Variants in TSPEAR observed in about 807,000 individuals in gnomAD.
TSPEAR encodes the protein thrombospondin-type laminin G domain and EAR repeat-containing protein.
In TSPEAR, 69 loss-of-function variants were observed where a neutral mutation model predicts 71.6. The observed-to-expected ratio is 0.96, with a 90% confidence interval of 0.79 to 1.18. The LOEUF is 1.18. TSPEAR is among the 50% of genes most tolerant of loss of function. The pLI is 0.00. For missense variants in TSPEAR, 971 were observed against 894.9 expected (o/e 1.09, Z -1.09); for synonymous variants, 402 against 387.2 (o/e 1.04, Z -0.45).
chr21:44,502,765 C>T (rs587640978), intron 11 of TSPEAR, among the ~76,000 whole-genome samples: 103 of 152,320 alleles, frequency 6.8e-4, no homozygotes, highest in African/African-American at 2.3e-3. Context: ...ACTTGGGACT[C>T]GCTGTGAGCC....
chr21:44,669,053 T>G (rs964732056), intron 1 of TSPEAR, among the ~76,000 whole-genome samples: 2 of 152,084 alleles, frequency 1.3e-5, no homozygotes, highest in Admixed American at 6.6e-5. Flanking sequence ...TCAATAGAAA[T>G]TATCCAAAAT....
chr21:44,617,229 G>T (rs1555932660), intron 1 of TSPEAR, among the ~76,000 whole-genome samples: 1 of 152,250 alleles, frequency 6.6e-6, no homozygotes, highest in South Asian at 2.1e-4. Flanking sequence ...TGGGACATGG[G>T]GGGACACTTG....
At chr21:44,613,582 C>T (rs1305683006) in intron 1 of TSPEAR, among the ~76,000 whole-genome samples, 5 of 152,172 alleles carry the variant, frequency 3.3e-5, no homozygotes, top group Non-Finnish European at 7.4e-5. Context: ...CCCTGTGTGC[C>T]GCCCGCCCGA....
intron 2 of TSPEAR, among the ~76,000 whole-genome samples, chr21:44,563,086 T>A (rs1435748166): frequency 1.3e-5 from 2 of 152,020 alleles, no homozygotes; most frequent in Non-Finnish European, 2.9e-5. Context: ...GCAATAATAA[T>A]ACAAAGGAGG....
intron 1 of TSPEAR, among the ~76,000 whole-genome samples, chr21:44,628,692 C>T (rs587737574): frequency 1.4e-5 from 2 of 143,080 alleles, no homozygotes; most frequent in East Asian, 2.1e-4. Context: ...GGGGCTGTCC[C>T]GGGGGGTGGC....
intron 11 of TSPEAR, among the ~76,000 whole-genome samples, chr21:44,502,769 G>A (rs587720551): frequency 2.0e-5 from 3 of 152,254 alleles, no homozygotes; most frequent in Non-Finnish European, 4.4e-5. Context: ...GGGACTCGCT[G>A]TGAGCCGGTG....
intron 1 of TSPEAR, among the ~76,000 whole-genome samples, chr21:44,641,839 G>A (rs1984037823): frequency 6.6e-6 from 1 of 152,184 alleles, no homozygotes. Context: ...TGCTGTGGCA[G>A]GCTTCAGCGG....
intron 8 of TSPEAR, among the ~76,000 whole-genome samples, chr21:44,524,744 ATCAG>A (rs1246241364): frequency 4.2e-4 from 64 of 150,646 alleles, no homozygotes; most frequent in African/African-American, 1.5e-3. Flanking sequence ...CAGTCAGTCA[ATCAG>A]TCAGTAAGGT....
At chr21:44,569,939 C>G (rs1397289430) in intron 1 of TSPEAR, among the ~76,000 whole-genome samples, 1 of 152,110 alleles carries the variant, frequency 6.6e-6, no homozygotes, top group Non-Finnish European at 1.5e-5. Flanking sequence ...ACTCCACATA[C>G]TGTGGCGTTG....
At position 44,636,258 on chromosome 21, in the gene TSPEAR, T is replaced by C. The variant is rs587662466; in HGVS notation, c.83-68253A>G. ...CCGGGTTTCCAGGGGACATACGTTG[T>C]ATGTGTTCTGGTCAAGGTTTATGCT... On this transcript the variant is annotated intron_variant, in intron 1 of 11. Transcript: ENST00000323084. Among the ~76,000 whole-genome samples, 21 of 152,376 alleles carry C rather than the reference T, an allele frequency of 1.4e-4. No individual in the cohort carries two copies. In the East Asian group the frequency reaches 4.0e-3, roughly 29 times the overall value.
intron 2 of TSPEAR, among the ~76,000 whole-genome samples, chr21:44,560,123 T>C (rs587598432): frequency 6.6e-6 from 1 of 152,014 alleles, no homozygotes; most frequent in East Asian, 1.9e-4. Context: ...AGGCTCAAAA[T>C]AAAGGAATGG....
At chr21:44,649,112 C>T (rs910031039) in intron 1 of TSPEAR, among the ~76,000 whole-genome samples, 9 of 152,346 alleles carry the variant, frequency 5.9e-5, no homozygotes, top group Non-Finnish European at 1.2e-4. Context: ...CTCCCTCCAC[C>T]GCCTGCTGGA....
Position 44,579,720 on chromosome 21 carries a change from G to A in TSPEAR, c.83-11715C>T, listed in dbSNP as rs1429032335. 3.8e-6 allele frequency: 6 copies of A among 1,585,164 alleles called. No individual in the cohort carries two copies. In the South Asian group the frequency reaches 4.7e-5, roughly 12 times the overall value. ...GAGTCAGGACCAGTTGGCCCTGGGG[G>A]ATGTGCACATCAGCAACTGGACTCC... On this transcript the variant is annotated intron_variant, in intron 1 of 11. Transcript: ENST00000323084.
chr21:44,701,151 C>G (rs1030291278), intron 1 of TSPEAR, among the ~76,000 whole-genome samples: 5 of 152,210 alleles, frequency 3.3e-5, no homozygotes, highest in Non-Finnish European at 7.3e-5. Context: ...CATTATTGTA[C>G]ATATCCATGG....
chr21:44,589,776 C>T (rs1979634353), intron 1 of TSPEAR, among the ~76,000 whole-genome samples: 2 of 152,204 alleles, frequency 1.3e-5, no homozygotes, highest in South Asian at 4.1e-4. Flanking sequence ...GCCCCGGCCC[C>T]TCCACCTGGC....
intron 1 of TSPEAR, among the ~76,000 whole-genome samples, chr21:44,650,451 G>GCAGAGACTGGGGCCACGTGACGACGA (rs1984716925): frequency 6.6e-6 from 1 of 152,262 alleles, no homozygotes; most frequent in African/African-American, 2.4e-5. Flanking sequence ...CGTGACGACG[G>GCAGAGACTGGGGCCACGTGACGACGA]GGGCAGAGAT....
At chr21:44,516,971 G>A (rs946768388) in intron 9 of TSPEAR, among the ~76,000 whole-genome samples, 1 of 152,098 alleles carries the variant, frequency 6.6e-6, no homozygotes, top group African/African-American at 2.4e-5. Context: ...CCTGCACCCT[G>A]GGGCTTTCGG....
In TSPEAR at chr21:44,580,445, C is replaced by T. The variant is rs587771602; in HGVS notation, c.83-12440G>A. 3 of 1,613,194 alleles carry T rather than the reference C, an allele frequency of 1.9e-6. No homozygotes were observed. The South Asian group carries it at 3.3e-5, about 18-fold the overall frequency. On this transcript the variant is annotated intron_variant, in intron 1 of 11. Transcript: ENST00000323084. ...CTGGCAGCAGGGGCTGGACACACAG[C>T]TCACTGGGGTGCAGACCAGGGTCAG... is the stretch of plus-strand genomic sequence containing the variant.
At chr21:44,509,694 G>C (rs1232400765) in intron 9 of TSPEAR, 2 of 357,764 alleles carry the variant, frequency 5.6e-6, no homozygotes, top group Non-Finnish European at 1.0e-5. Context: ...GGTGCCAGAC[G>C]TGGCACTCCT....
Sources: allele counts gnomAD v4.1 joint callset (sites outside exome capture counted in the v4.1 genomes callset), GRCh38; gene constraint gnomAD v4.1.1; transcripts MANE v1.5; gene names NCBI Gene and HGNC (gene_info 2026-07-23, HGNC 2026-07-21).